The following ASIC2 variants were observed in gnomAD, a reference collection of about 807,000 sequenced individuals.
ASIC2 encodes the protein acid-sensing ion channel 2.
Under a neutral mutation model 57.3 loss-of-function variants are expected in ASIC2, and 25 were observed. The observed-to-expected ratio is 0.44, with a 90% CI of 0.32 to 0.61. ASIC2 has a LOEUF of 0.61. ASIC2 is among the 20% of genes least tolerant of loss of function. The pLI is 0.06. For synonymous variants in ASIC2, 319 were observed against 307.5 expected, an observed-to-expected ratio of 1.04 and a Z score of -0.39; for missense variants, 641 against 738.1, an observed-to-expected ratio of 0.87 and a Z score of 1.52.
intron 1 of ASIC2, among the ~76,000 whole-genome samples, chr17:33,920,252 C>A (rs1174159364): frequency 1.3e-5 from 2 of 152,254 alleles, no homozygotes; most frequent in Admixed American, 6.5e-5. Context: ...AAGACACATG[C>A]ACTTGTATGT....
chr17:34,070,218 C>G (rs978496244), intron 1 of ASIC2: 9 of 151,980 alleles, frequency 5.9e-5, no homozygotes, highest in Non-Finnish European at 1.0e-4. Flanking sequence ...TCAAAGTGAC[C>G]ATACCAATAA....
At chr17:34,119,436 T>C (rs1911529643) in intron 1 of ASIC2, among the ~76,000 whole-genome samples, 1 of 152,236 alleles carries the variant, frequency 6.6e-6, no homozygotes, top group African/African-American at 2.4e-5. Flanking sequence ...TATTTTTACC[T>C]GTTAAATGCA....
chr17:33,351,705 TCA>T (rs1280167576), intron 1 of ASIC2, among the ~76,000 whole-genome samples: 1 of 152,192 alleles, frequency 6.6e-6, no homozygotes, highest in Non-Finnish European at 1.5e-5. Flanking sequence ...ACTTTAAGTC[TCA>T]CAGAAAATTT....
At chr17:33,448,469 A>G (rs1026904070) in intron 1 of ASIC2, among the ~76,000 whole-genome samples, 7 of 152,362 alleles carry the variant, frequency 4.6e-5, no homozygotes, top group African/African-American at 1.4e-4. Context: ...AGATTCCATC[A>G]TAAGTGTCCT....
At chr17:33,694,524 T>G (rs1290233214) in intron 1 of ASIC2, among the ~76,000 whole-genome samples, 2 of 152,200 alleles carry the variant, frequency 1.3e-5, no homozygotes, top group Admixed American at 1.3e-4. Context: ...CTTCCTCATC[T>G]CATAGCCAAA....
At chr17:33,954,087 C>G (rs936102472) in intron 1 of ASIC2, among the ~76,000 whole-genome samples, 1 of 152,148 alleles carries the variant, frequency 6.6e-6, no homozygotes, top group African/African-American at 2.4e-5. Flanking sequence ...TTTGGGGAAA[C>G]AAAGGGACAG....
chr17:34,041,059 T>C (rs140112863), intron 1 of ASIC2, among the ~76,000 whole-genome samples: 13 of 152,304 alleles, frequency 8.5e-5, no homozygotes, highest in Middle Eastern at 3.4e-3. Context: ...TGGGAAAGCA[T>C]ATATCTCAAC....
At chr17:33,748,236 C>G (rs1014658694) in intron 1 of ASIC2, among the ~76,000 whole-genome samples, 2 of 152,204 alleles carry the variant, frequency 1.3e-5, no homozygotes, top group African/African-American at 4.8e-5. Context: ...TTCCCTGATT[C>G]CTTGCAGCTT....
At chr17:33,964,305 T>TC (rs1410500184) in intron 1 of ASIC2, among the ~76,000 whole-genome samples, 1 of 152,148 alleles carries the variant, frequency 6.6e-6, no homozygotes, top group Non-Finnish European at 1.5e-5. Flanking sequence ...CTCACCCCTC[T>TC]CCCCCAGAGG....
intron 1 of ASIC2, among the ~76,000 whole-genome samples, chr17:33,904,582 A>G (rs1215105697): frequency 6.6e-6 from 1 of 152,206 alleles, no homozygotes; most frequent in East Asian, 1.9e-4. Flanking sequence ...GACGAATGCC[A>G]TGGATAATGA....
At chr17:33,209,688 T>C (rs1202323050) in intron 1 of ASIC2, among the ~76,000 whole-genome samples, 1 of 152,234 alleles carries the variant, frequency 6.6e-6, no homozygotes, top group Non-Finnish European at 1.5e-5. Context: ...ATATCCTTAG[T>C]GCCTGACCCA....
intron 1 of ASIC2, among the ~76,000 whole-genome samples, chr17:33,186,257 T>C (rs1906192340): frequency 6.6e-6 from 1 of 152,072 alleles, no homozygotes; most frequent in Admixed American, 6.5e-5. Context: ...ATCACAGGCA[T>C]GTGCCTCCAC....
intron 1 of ASIC2, chr17:33,936,093 C>T (rs1023916599): frequency 2.0e-5 from 3 of 152,202 alleles, no homozygotes; most frequent in African/African-American, 4.8e-5. Flanking sequence ...CAGGAGATAG[C>T]ACATGAAGAG....
rs370998198 is a variant in ASIC2 at position 33,351,222 on chromosome 17, C to T, written c.556-239155G>A. 7.9e-5 allele frequency among the ~76,000 whole-genome samples: 12 copies of T among 152,124 alleles called. No homozygotes were observed. The East Asian group carries it at 9.7e-4, about 12-fold the overall frequency. ...GAAGGATTCAATGGTATTTGGCCCCCCTCCTCCCCTCCTCCTCTCTGACTG... is the reference window on the plus strand; with the variant it reads ...GAAGGATTCAATGGTATTTGGCCCCTCTCCTCCCCTCCTCCTCTCTGACTG... On this transcript the variant is annotated intron_variant, in intron 1 of 9. Coordinates refer to the ASIC2 transcript ENST00000359872.
intron 1 of ASIC2, among the ~76,000 whole-genome samples, chr17:33,311,564 A>G (rs747853307): frequency 1.3e-5 from 2 of 152,030 alleles, no homozygotes; most frequent in Non-Finnish European, 2.9e-5. Flanking sequence ...CTAATTCTTC[A>G]TGTACCTGTT....
At chr17:33,242,393 C>CACA (rs1435393374) in intron 1 of ASIC2, among the ~76,000 whole-genome samples, 1 of 151,864 alleles carries the variant, frequency 6.6e-6, no homozygotes, top group Non-Finnish European at 1.5e-5. Flanking sequence ...TTAGGAAAAT[C>CACA]ACAACTGCCT....
At chr17:33,465,357 CT>C (rs1422282064) in intron 1 of ASIC2, among the ~76,000 whole-genome samples, 5 of 141,082 alleles carry the variant, frequency 3.5e-5, no homozygotes, top group South Asian at 2.3e-4. Flanking sequence ...GAGTGTGGGC[CT>C]TTTTTTTCTT....
intron 1 of ASIC2, among the ~76,000 whole-genome samples, chr17:33,280,885 T>A (rs1904916714): frequency 6.6e-6 from 1 of 152,118 alleles, no homozygotes; most frequent in Non-Finnish European, 1.5e-5. Context: ...CATTTCAAAG[T>A]GGCAAAATAA....
At chr17:33,867,606 G>A (rs527952626) in intron 1 of ASIC2, among the ~76,000 whole-genome samples, 1 of 152,318 alleles carries the variant, frequency 6.6e-6, no homozygotes, top group Admixed American at 6.5e-5. Context: ...CAGGCAAGGG[G>A]ACACAAGGGA....
Sources: gnomAD v4.1 joint callset for allele counts (sites outside exome capture counted in the v4.1 genomes callset) on GRCh38, gnomAD v4.1.1 for gene constraint, MANE v1.5 for transcripts, NCBI Gene and HGNC (gene_info 2026-07-23, HGNC 2026-07-21) for gene names.